ATP11C: variants seen among roughly 807,000 people sequenced by gnomAD.
The protein encoded by ATP11C is phospholipid-transporting ATPase IG.
Under a neutral mutation model 97.4 loss-of-function variants are expected in ATP11C, and 36 were observed. The observed-to-expected ratio is 0.37, with a 90% CI of 0.28 to 0.49. The LOEUF (loss-of-function observed/expected upper bound fraction) is 0.49, where lower values mean the gene tolerates loss of function less well. ATP11C is among the 20% of genes least tolerant of loss of function. The pLI is 0.98. For missense variants in ATP11C, 730 were observed against 824.6 expected (o/e 0.89, Z 1.40); for synonymous variants, 275 against 290.9 (o/e 0.95, Z 0.56).
chrX:139,760,753 A>G (rs2082021112), intron 22 of ATP11C, among the ~76,000 whole-genome samples: 1 of 111,847 alleles, frequency 8.9e-6, no homozygotes, highest in African/African-American at 3.2e-5. Flanking sequence ...TCAGTGTCCA[A>G]TATTGGGGAT....
In ATP11C at chrX:139,728,777, G is replaced by T; in HGVS notation, c.*189C>A. The T allele has an allele frequency of 2.1e-6, 1 of 476,767 alleles. No individual in the cohort carries two copies. The allele number at this position is 476,767 out of a possible 1,213,427, so 39.3% of individuals were successfully genotyped here. The stretch of plus-strand genomic sequence containing the variant: ...TTACAATAATGGTAAATGCTTAAGA[G>T]AATCATTTGGTATTTTAATGAACAT... On this transcript the variant is annotated 3_prime_UTR_variant, in exon 30 of 30. Transcript: ENST00000682941.
At chrX:139,757,899 A>C in intron 22 of ATP11C, 32 bp from the exon 23 acceptor site, 1 of 988,603 alleles carries the variant, frequency 1.0e-6, no homozygotes, top group Non-Finnish European at 1.4e-6. Flanking sequence ...AAGGATTAAC[A>C]TTTTCACTTA....
rs187870304 is a variant in ATP11C at position 139,900,163 on chromosome X, G to T, written c.27+31853C>A. 3.6e-5 allele frequency among the ~76,000 whole-genome samples: 4 copies of T among 111,050 alleles called. No homozygotes were observed. The East Asian group carries it at 1.1e-3, about 31-fold the overall frequency. On this transcript the variant is annotated intron_variant, in intron 1 of 29. Coordinates refer to ENST00000682941, the MANE Select transcript of ATP11C (RefSeq NM_001353812.2). ...AGGCAGGTGGATCACGAAGTCGAGA[G>T]ATCGAGACCATCCTGGCCAACATGA...
chrX:139,773,395 G>C lies in ATP11C; in HGVS notation c.2216+1295C>G, dbSNP rs190497621. ...GCCCTTATAAGAGGAAGAGACAGCA[G>C]AGGGCGGCCATTTGCAAGCCAGAAA... is the stretch of plus-strand genomic sequence containing the variant. On this transcript the variant is annotated intron_variant, in intron 19 of 29. Transcript: ENST00000682941. Among the ~76,000 whole-genome samples the C allele has an allele frequency of 5.2e-4, 58 of 111,347 alleles. 2 individuals carry two copies. Among genetic ancestry groups the C allele is most frequent in the East Asian group, 5.1e-3 (18 of 3,525 alleles).
intron 1 of ATP11C, among the ~76,000 whole-genome samples, chrX:139,835,403 G>A (rs1437211650): frequency 9.1e-6 from 1 of 110,355 alleles, no homozygotes; most frequent in East Asian, 2.9e-4. Context: ...GCAGGGGAAA[G>A]TGGGGCCAGA....
At position 139,797,237 on chromosome X, in the gene ATP11C, G is replaced by T. The variant is rs1569459943; in HGVS notation, c.947C>A (p.Thr316Asn). ...ATACCAAGGTTCATCATTGTATGGG[G>T]TACTTTGCCAAACATACTTTAGAGT... ...CTTLKYVWQS[T>N]PYNDEPWYNQ... The change falls in exon 11 of 30, where the codon ACC becomes AAC. Residue 316 changes from threonine (T) to asparagine (N), a missense_variant. Transcript: ENST00000682941. The T allele has an allele frequency of 8.3e-7, 1 of 1,202,218 alleles. No individual in the cohort carries two copies. The highest frequency in any genetic ancestry group is 3.0e-5 in the East Asian group (1 of 33,608).
chrX:139,795,048 G>C (rs936310860), intron 12 of ATP11C, among the ~76,000 whole-genome samples: 15 of 112,047 alleles, frequency 1.3e-4, no homozygotes, highest in African/African-American at 4.5e-4. Context: ...ATTGAGATTA[G>C]AGCAGTTCTA....
At chrX:139,774,436 A>G (rs1176659452) in intron 19 of ATP11C, among the ~76,000 whole-genome samples, 1 of 112,404 alleles carries the variant, frequency 8.9e-6, no homozygotes, top group African/African-American at 3.2e-5. Flanking sequence ...GACTCTAAAC[A>G]TTTAAAAATT....
chrX:139,820,079 G>A lies in ATP11C; in HGVS notation c.148-652C>T, dbSNP rs191446968. Among the ~76,000 whole-genome samples the A allele has an allele frequency of 2.1e-4, 23 of 110,843 alleles. No homozygotes were observed. The South Asian group carries it at 3.5e-3, about 17-fold the overall frequency. ...ACGCACACTGTAATCCCAGCTACTC[G>A]GGCGGCTGAGACAGGAGAATCGCTT... On this transcript the variant is annotated intron_variant, in intron 2 of 29. Coordinates refer to ENST00000682941, the MANE Select transcript of ATP11C (RefSeq NM_001353812.2).
At chrX:139,751,988 T>G (rs1233706092) in intron 23 of ATP11C, among the ~76,000 whole-genome samples, 1 of 111,649 alleles carries the variant, frequency 9.0e-6, no homozygotes, top group Non-Finnish European at 1.9e-5. Flanking sequence ...GGTTGCTACA[T>G]TCAGCACTAG....
intron 5 of ATP11C, among the ~76,000 whole-genome samples, chrX:139,806,713 T>C (rs1406949597): frequency 3.6e-5 from 4 of 111,595 alleles, no homozygotes; most frequent in Non-Finnish European, 5.6e-5. Flanking sequence ...TGAGAAAGCA[T>C]ACAGGCAGGA....
At chrX:139,798,226 A>C in intron 10 of ATP11C, 47 bp downstream of exon 10, 1 of 1,051,837 alleles carries the variant, frequency 9.5e-7, no homozygotes, top group Non-Finnish European at 1.3e-6. Context: ...CCAAGAAAGT[A>C]ACTATTTTAA....
At chrX:139,748,043 C>A (rs1381767372) in intron 24 of ATP11C, among the ~76,000 whole-genome samples, 4 of 112,124 alleles carry the variant, frequency 3.6e-5, no homozygotes, top group African/African-American at 1.3e-4. Context: ...ATTTTGTACT[C>A]AACAGCTTTT....
intron 1 of ATP11C, among the ~76,000 whole-genome samples, chrX:139,866,918 A>C (rs745344683): frequency 4.5e-5 from 5 of 110,000 alleles, no homozygotes; most frequent in Non-Finnish European, 9.5e-5. Context: ...CCCTGTCTCT[A>C]CAAAAAATAC....
rs1055729445 is a variant in ATP11C, at chrX:139,857,170, T to C, written c.28-30347A>G. On this transcript the variant is annotated intron_variant, in intron 1 of 29. Coordinates refer to ENST00000682941, the MANE Select transcript of ATP11C (RefSeq NM_001353812.2). Reference sequence around the variant, plus strand: ...GTCATACCATGCACCCGTAAGTTGATGCAGAGGCTCATAAAAATAGCACTT... The same window carrying C: ...GTCATACCATGCACCCGTAAGTTGACGCAGAGGCTCATAAAAATAGCACTT... Among the ~76,000 whole-genome samples the C allele has an allele frequency of 1.5e-4, 17 of 111,810 alleles. No homozygotes were observed. In the Admixed American group the frequency reaches 1.6e-3, roughly 11 times the overall value.
At position 139,787,156 on chromosome X, in the gene ATP11C, AAC is replaced by A. The variant is rs1470224261; in HGVS notation, c.1592+15_1592+16del. The A allele has an allele frequency of 3.3e-6, 4 of 1,206,635 alleles. No individual in the cohort carries two copies. Among genetic ancestry groups the A allele is most frequent in the Non-Finnish European group, 4.5e-6 (4 of 891,997 alleles). On this transcript the variant is annotated intron_variant, in intron 15 of 29. Transcript: ENST00000682941. ...TGGGGTTAAGAAATGACAAACATCAAACACAGAGCTACTTACTCTTCTATTTC... is the reference window on the plus strand; with the variant it reads ...TGGGGTTAAGAAATGACAAACATCAAACAGAGCTACTTACTCTTCTATTTC...
chrX:139,743,586 T>C lies in ATP11C; in HGVS notation c.3003A>G (p.Thr1001=). ...TCAGGGTTACAGTGAATACTAAGAC[T>C]GTAAAAACAATGGTTCCAAAAGTCC... ...GNWTFGTIVF[T]VLVFTVTLKL... Residue 1001 remains threonine (T), a synonymous_variant, in exon 26 of 30, where the codon ACA becomes ACG. Coordinates refer to ENST00000682941, the MANE Select transcript of ATP11C (RefSeq NM_001353812.2). 1 of 1,178,301 alleles carries C rather than the reference T, an allele frequency of 8.5e-7. No individual in the cohort carries two copies. The highest frequency in any genetic ancestry group is 1.1e-6 in the Non-Finnish European group (1 of 874,136).
chrX:139,896,590 CACA>C (rs1229963839), intron 1 of ATP11C, among the ~76,000 whole-genome samples: 1 of 99,788 alleles, frequency 1.0e-5, no homozygotes, highest in East Asian at 3.2e-4. Context: ...CACACACACA[CACA>C]CTTTTTTTCC....
At position 139,904,907 on chromosome X, in the gene ATP11C, C is replaced by T. The variant is rs186314451; in HGVS notation, c.27+27109G>A. 3.7e-4 allele frequency among the ~76,000 whole-genome samples: 41 copies of T among 112,011 alleles called. 1 individual carries two copies. The East Asian group carries it at 0.011, about 29-fold the overall frequency. On this transcript the variant is annotated intron_variant, in intron 1 of 29. Coordinates refer to ENST00000682941, the MANE Select transcript of ATP11C (RefSeq NM_001353812.2). ...AGCAGGTAGAGTAAGGAGTCTGAAT[C>T]GTGCTCTAAGTATGAACGGAGCTAC...
Sources: allele counts gnomAD v4.1 joint callset (sites outside exome capture counted in the v4.1 genomes callset), GRCh38; gene constraint gnomAD v4.1.1; transcripts MANE v1.5; gene names NCBI Gene and HGNC (gene_info 2026-07-23, HGNC 2026-07-21).